The following CTNNA3 variants were observed in gnomAD, a reference collection of about 807,000 sequenced individuals.
The protein encoded by CTNNA3 is catenin alpha 3.
CTNNA3 carries 76 observed loss-of-function variants against 95.7 expected under a neutral mutation model. The ratio of observed to expected loss-of-function variants is 0.79; its 90% confidence interval spans 0.66 to 0.96. CTNNA3 has a LOEUF of 0.96. CTNNA3 is among the 40% of genes least tolerant of loss of function. CTNNA3 has a pLI of 0.00. For synonymous variants in CTNNA3, 431 were observed against 374.4 expected, an observed-to-expected ratio of 1.15 and a Z score of -1.74; for missense variants, 1,191 against 1,089.8, an observed-to-expected ratio of 1.09 and a Z score of -1.31.
At chr10:67,427,571 T>C (rs904524675) in intron 5 of CTNNA3, among the ~76,000 whole-genome samples, 1 of 152,062 alleles carries the variant, frequency 6.6e-6, no homozygotes, top group African/African-American at 2.4e-5. Context: ...ACTTAAACTG[T>C]GGATGTAGAT....
At chr10:66,918,171 G>A (rs1052218118) in intron 7 of CTNNA3, among the ~76,000 whole-genome samples, 1 of 152,086 alleles carries the variant, frequency 6.6e-6, no homozygotes, top group African/African-American at 2.4e-5. Flanking sequence ...ACACTTCAAT[G>A]GCAATACAAA....
chr10:67,280,350 A>C (rs1414022755), intron 5 of CTNNA3, among the ~76,000 whole-genome samples: 1 of 147,668 alleles, frequency 6.8e-6, no homozygotes, highest in Non-Finnish European at 1.5e-5. Context: ...TCAAATGCCA[A>C]AGAGAACCAT....
At chr10:67,518,596 G>T in intron 5 of CTNNA3, among the ~76,000 whole-genome samples, 1 of 151,964 alleles carries the variant, frequency 6.6e-6, no homozygotes, top group East Asian at 1.9e-4. Flanking sequence ...TATATCAAAA[G>T]ACTTCAGAAG....
At chr10:67,740,549 T>C (rs903990720) in intron 1 of CTNNA3, among the ~76,000 whole-genome samples, 1 of 151,110 alleles carries the variant, frequency 6.6e-6, no homozygotes, top group Non-Finnish European at 1.5e-5. Flanking sequence ...CCAAAAAACA[T>C]ATGAAAAAAT....
intron 12 of CTNNA3, among the ~76,000 whole-genome samples, chr10:66,372,662 G>C (rs182466154): frequency 6.6e-6 from 1 of 152,122 alleles, no homozygotes; most frequent in Non-Finnish European, 1.5e-5. Flanking sequence ...AAGAAAACAG[G>C]TTTAATTTAT....
chr10:66,209,309 G>C (rs2087970911), intron 13 of CTNNA3, among the ~76,000 whole-genome samples: 2 of 152,168 alleles, frequency 1.3e-5, no homozygotes, highest in Non-Finnish European at 2.9e-5. Flanking sequence ...TTACACTCTA[G>C]TGAGGACAAA....
At chr10:67,615,521 C>T (rs1028489580) in intron 2 of CTNNA3, among the ~76,000 whole-genome samples, 5 of 152,216 alleles carry the variant, frequency 3.3e-5, no homozygotes, top group African/African-American at 9.6e-5. Context: ...TTGGACTTTA[C>T]CATTCATTTA....
chr10:67,569,215 T>C (rs117666175), intron 3 of CTNNA3, among the ~76,000 whole-genome samples: 169 of 152,302 alleles, frequency 1.1e-3, no homozygotes, highest in Middle Eastern at 6.8e-3. Context: ...ACTTTTCTTT[T>C]AGTGCATTTG....
intron 13 of CTNNA3, among the ~76,000 whole-genome samples, chr10:66,209,841 C>T (rs2088017522): frequency 6.6e-6 from 1 of 152,044 alleles, no homozygotes; most frequent in Non-Finnish European, 1.5e-5. Flanking sequence ...TGTGTAGTAG[C>T]TCGTATTTAT....
intron 15 of CTNNA3, among the ~76,000 whole-genome samples, chr10:65,990,723 TTACTC>T (rs1288362448): frequency 1.3e-5 from 2 of 151,870 alleles, no homozygotes; most frequent in East Asian, 1.9e-4. Context: ...AACAGGCTCT[TTACTC>T]TGTTGATTAT....
rs117529064 is a variant in CTNNA3, at chr10:67,186,021, G to A, written c.844-5501C>T. On this transcript the variant is annotated intron_variant, in intron 6 of 17. Transcript: ENST00000433211. ...AGCCTAGACTACAGAGCAAGACTCC[G>A]TCTCACAAAAAAAAAAAAAAAAAAA... is the stretch of plus-strand genomic sequence containing the variant. Among the ~76,000 whole-genome samples the A allele has an allele frequency of 3.6e-5, 5 of 137,422 alleles. No individual in the cohort carries two copies. The East Asian group carries it at 6.2e-4, about 17-fold the overall frequency. 90.2% of individuals were successfully genotyped at this position (137,422 alleles called of 152,430 possible). A position where few individuals can be genotyped will look rare whatever the true frequency, so the allele number is the denominator to read the frequency against.
intron 13 of CTNNA3, among the ~76,000 whole-genome samples, chr10:66,264,986 AC>A (rs1340288562): frequency 2.6e-5 from 4 of 152,058 alleles, no homozygotes; most frequent in African/African-American, 4.8e-5. Context: ...AGTTAAACTG[AC>A]CAATTATCAA....
chr10:67,146,867 C>G (rs1860870949), intron 7 of CTNNA3, among the ~76,000 whole-genome samples: 1 of 152,118 alleles, frequency 6.6e-6, no homozygotes, highest in Non-Finnish European at 1.5e-5. Context: ...GGGCCTATAT[C>G]TAGACATATA....
intron 1 of CTNNA3, among the ~76,000 whole-genome samples, chr10:67,656,638 T>A (rs1304934833): frequency 6.6e-6 from 1 of 151,906 alleles, no homozygotes; most frequent in East Asian, 1.9e-4. Flanking sequence ...GATTTCAGTA[T>A]TAAATAAGGT....
intron 13 of CTNNA3, among the ~76,000 whole-genome samples, chr10:66,251,532 TA>T (rs2090552428): frequency 6.6e-6 from 1 of 152,132 alleles, no homozygotes; most frequent in Non-Finnish European, 1.5e-5. Flanking sequence ...GCAATTATAG[TA>T]GAGTAAAATC....
In CTNNA3 at chr10:66,732,962, A is replaced by T. The variant is rs774054998; in HGVS notation, c.1281+33302T>A. Among the ~76,000 whole-genome samples, 28 of 151,862 alleles carry T rather than the reference A, an allele frequency of 1.8e-4. 1 individual carries two copies. The highest frequency in any genetic ancestry group is 3.7e-4 in the Non-Finnish European group (25 of 67,964). ...AGGCACCAGCCACCGCGCCCAGCTGATTTTTGGATTTTTAGTAGAGACGAG... is the reference window on the plus strand; with the variant it reads ...AGGCACCAGCCACCGCGCCCAGCTGTTTTTTGGATTTTTAGTAGAGACGAG... On this transcript the variant is annotated intron_variant, in intron 9 of 17. Coordinates refer to ENST00000433211, the MANE Select transcript of CTNNA3 (RefSeq NM_013266.4).
intron 11 of CTNNA3, among the ~76,000 whole-genome samples, chr10:66,463,680 T>C (rs1309038352): frequency 6.6e-6 from 1 of 152,130 alleles, no homozygotes; most frequent in African/African-American, 2.4e-5. Flanking sequence ...GAGACTCATG[T>C]ATACCCTCTA....
At chr10:66,176,505 T>C (rs2085721973) in intron 13 of CTNNA3, among the ~76,000 whole-genome samples, 1 of 152,110 alleles carries the variant, frequency 6.6e-6, no homozygotes, top group Non-Finnish European at 1.5e-5. Context: ...TCTTTAAAAG[T>C]CTTAAATATA....
At position 66,465,599 on chromosome 10, in the gene CTNNA3, C is replaced by T. The variant is rs563110856; in HGVS notation, c.1531+55018G>A. Among the ~76,000 whole-genome samples the T allele has an allele frequency of 3.3e-5, 5 of 152,196 alleles. No homozygotes were observed. The South Asian group carries it at 1.0e-3, about 32-fold the overall frequency. ...TGCTGAGGCAAGTTAATTTTTACAG[C>T]CAAATCTCATGTCACTGGTCTACTG... is the stretch of plus-strand genomic sequence containing the variant. On this transcript the variant is annotated intron_variant, in intron 11 of 17. Coordinates refer to ENST00000433211, the MANE Select transcript of CTNNA3 (RefSeq NM_013266.4).
Sources: allele counts gnomAD v4.1 joint callset (sites outside exome capture counted in the v4.1 genomes callset), GRCh38; gene constraint gnomAD v4.1.1; transcripts MANE v1.5; gene names NCBI Gene and HGNC (gene_info 2026-07-23, HGNC 2026-07-21).